The following GLRA3 variants were observed in gnomAD, a reference collection of about 807,000 sequenced individuals.
The protein encoded by GLRA3 is glycine receptor alpha 3.
In GLRA3, 44 loss-of-function variants were observed where a neutral mutation model predicts 60.4. That is an observed-to-expected ratio of 0.73 (90% CI 0.57 to 0.94). The LOEUF (loss-of-function observed/expected upper bound fraction) is 0.94. Ranked by LOEUF, GLRA3 falls within the 40% of genes least tolerant of loss-of-function variation. The pLI, the probability that GLRA3 is intolerant of heterozygous loss-of-function variation, is 0.00. For synonymous variants in GLRA3, 223 were observed against 192.9 expected, an observed-to-expected ratio of 1.16 and a Z score of -1.29; for missense variants, 508 against 564.6, an observed-to-expected ratio of 0.90 and a Z score of 1.02.
intron 7 of GLRA3, among the ~76,000 whole-genome samples, chr4:174,666,929 G>T (rs538179051): frequency 6.6e-6 from 1 of 151,832 alleles, no homozygotes; most frequent in Admixed American, 6.6e-5. Context: ...GTTTGTCATA[G>T]GGAGGATTCA....
At chr4:174,825,685 TAG>T in intron 1 of GLRA3, among the ~76,000 whole-genome samples, 1 of 152,228 alleles carries the variant, frequency 6.6e-6, no homozygotes, top group South Asian at 2.1e-4. Flanking sequence ...CCAAAAGCCA[TAG>T]AAAAATTATT....
intron 7 of GLRA3, among the ~76,000 whole-genome samples, chr4:174,661,761 T>C (rs1243347868): frequency 6.6e-6 from 1 of 152,094 alleles, no homozygotes; most frequent in East Asian, 1.9e-4. Context: ...CCTGCTCAGC[T>C]ATGGCCCTAC....
chr4:174,645,800 C>T (rs541934719), intron 9 of GLRA3, among the ~76,000 whole-genome samples: 1 of 152,124 alleles, frequency 6.6e-6, no homozygotes, highest in Non-Finnish European at 1.5e-5. Flanking sequence ...TTTAGACTAC[C>T]ATTTCTTTGG....
intron 1 of GLRA3, among the ~76,000 whole-genome samples, chr4:174,821,417 AT>A (rs562687203): frequency 4.5e-4 from 69 of 152,310 alleles, no homozygotes; most frequent in Non-Finnish European, 7.4e-4. Flanking sequence ...AAAATTGTAA[AT>A]TATATGACCC....
At chr4:174,709,230 T>C (rs1192294693) in intron 5 of GLRA3, among the ~76,000 whole-genome samples, 5 of 152,018 alleles carry the variant, frequency 3.3e-5, no homozygotes, top group Admixed American at 1.3e-4. Context: ...ATCACTTTAG[T>C]AGTTTGTCTT....
intron 9 of GLRA3, among the ~76,000 whole-genome samples, chr4:174,645,491 A>G (rs1732780733): frequency 6.6e-6 from 1 of 152,010 alleles, no homozygotes; most frequent in African/African-American, 2.4e-5. Context: ...ATATATTATA[A>G]AATATGAAAG....
chr4:174,754,959 TA>T (rs1249291601), intron 3 of GLRA3, among the ~76,000 whole-genome samples: 2 of 152,138 alleles, frequency 1.3e-5, no homozygotes, highest in East Asian at 3.9e-4. Flanking sequence ...GAAGAAAGAT[TA>T]TAGAATTACA....
intron 2 of GLRA3, among the ~76,000 whole-genome samples, chr4:174,770,554 A>T (rs942630464): frequency 6.6e-6 from 1 of 152,114 alleles, no homozygotes; most frequent in Non-Finnish European, 1.5e-5. Context: ...TGTTAATAAA[A>T]CAGAGTAGAT....
intron 3 of GLRA3, among the ~76,000 whole-genome samples, chr4:174,761,619 A>G (rs962165042): frequency 6.6e-6 from 1 of 152,208 alleles, no homozygotes; most frequent in African/African-American, 2.4e-5. Context: ...CAATTCTCTA[A>G]CTTTCTAACA....
intron 5 of GLRA3, among the ~76,000 whole-genome samples, chr4:174,706,906 T>TG (rs1735540547): frequency 6.6e-6 from 1 of 152,156 alleles, no homozygotes; most frequent in Non-Finnish European, 1.5e-5. Context: ...ATTATATCTG[T>TG]GAACAGGTAG....
intron 5 of GLRA3, among the ~76,000 whole-genome samples, chr4:174,690,195 A>G (rs1213050041): frequency 2.6e-5 from 4 of 152,126 alleles, no homozygotes; most frequent in African/African-American, 7.2e-5. Context: ...TTATTTGTAT[A>G]TTTGTTTTCT....
intron 7 of GLRA3, among the ~76,000 whole-genome samples, chr4:174,660,747 TC>T (rs1733402445): frequency 6.6e-6 from 1 of 152,376 alleles, no homozygotes; most frequent in Non-Finnish European, 1.5e-5. Context: ...CAATTAGCAT[TC>T]TACTGTAAGA....
intron 1 of GLRA3, among the ~76,000 whole-genome samples, chr4:174,800,236 G>A (rs1340751375): frequency 6.6e-6 from 1 of 151,834 alleles, no homozygotes; most frequent in Non-Finnish European, 1.5e-5. Context: ...AAAAATAAAT[G>A]CAAAAAGAAA....
At chr4:174,740,857 C>T (rs1389597638) in intron 3 of GLRA3, among the ~76,000 whole-genome samples, 1 of 152,156 alleles carries the variant, frequency 6.6e-6, no homozygotes, top group African/African-American at 2.4e-5. Context: ...TGGAATCACA[C>T]AATATTTAAC....
chr4:174,787,312 T>C (rs985057742), intron 2 of GLRA3, among the ~76,000 whole-genome samples: 1 of 152,134 alleles, frequency 6.6e-6, no homozygotes, highest in African/African-American at 2.4e-5. Flanking sequence ...TCACTGAATA[T>C]GGACTCACCA....
At chr4:174,792,616 TC>T (rs965563901) in intron 1 of GLRA3, among the ~76,000 whole-genome samples, 1 of 152,212 alleles carries the variant, frequency 6.6e-6, no homozygotes, top group Non-Finnish European at 1.5e-5. Context: ...TCCAATGCTT[TC>T]CGTTTAACAT....
chr4:174,706,065 T>TA (rs1188736709), intron 5 of GLRA3, among the ~76,000 whole-genome samples: 1 of 151,644 alleles, frequency 6.6e-6, no homozygotes, highest in Non-Finnish European at 1.5e-5. Context: ...CCGTCTCTAC[T>TA]AAAAAATACA....
chr4:174,689,668 T>C (rs951169301), intron 5 of GLRA3, among the ~76,000 whole-genome samples: 2 of 149,296 alleles, frequency 1.3e-5, no homozygotes, highest in Non-Finnish European at 3.0e-5. Flanking sequence ...ATATGGATTA[T>C]TTATGAATCT....
intron 3 of GLRA3, among the ~76,000 whole-genome samples, chr4:174,744,331 G>A (rs1561090941): frequency 1.3e-5 from 2 of 152,246 alleles, no homozygotes; most frequent in Admixed American, 1.3e-4. Flanking sequence ...CCACTTGGAG[G>A]ACCAAGAAGA....
Sources: allele counts gnomAD v4.1 joint callset (sites outside exome capture counted in the v4.1 genomes callset), GRCh38; gene constraint gnomAD v4.1.1; transcripts MANE v1.5; gene names NCBI Gene and HGNC (gene_info 2026-07-23, HGNC 2026-07-21).